Variants in COLGALT2 observed in about 807,000 individuals in gnomAD.
COLGALT2 encodes the protein procollagen galactosyltransferase 2.
Under a neutral mutation model 73.4 loss-of-function variants are expected in COLGALT2, and 49 were observed. That is an observed-to-expected ratio of 0.67 (90% confidence interval 0.53 to 0.85). COLGALT2 has a LOEUF of 0.85. Ranked by LOEUF, COLGALT2 falls within the 40% of genes least tolerant of loss-of-function variation. The pLI, the probability that COLGALT2 is intolerant of heterozygous loss-of-function variation, is 0.00. For synonymous variants in COLGALT2, 295 were observed against 307.6 expected, an observed-to-expected ratio of 0.96 and a Z score of 0.43; for missense variants, 722 against 790.2, an observed-to-expected ratio of 0.91 and a Z score of 1.03.
intron 1 of COLGALT2, among the ~76,000 whole-genome samples, chr1:183,985,112 C>A (rs1013045048): frequency 6.6e-6 from 1 of 152,182 alleles, no homozygotes; most frequent in Admixed American, 6.5e-5. Flanking sequence ...TCAGAGCCAA[C>A]TAGAAATAAT....
At position 183,978,470 on chromosome 1, in the gene COLGALT2, C is replaced by T; in HGVS notation, c.314G>A (p.Trp105Ter). ...ATAGAGTCTCTGTACATTTTTCAAC[C>T]ACTCCCTGAATATTTCTGTTGTATT... Reference protein sequence around the residue: ...VDNTTEIFREWLKNVQRLYHY... With the variant: ...VDNTTEIFRE The change falls in exon 2 of 12, where the codon TGG becomes TAG. Residue 105 changes from tryptophan (W) to a stop codon, truncating the protein, a stop_gained. Coordinates refer to ENST00000361927, the MANE Select transcript of COLGALT2 (RefSeq NM_015101.4). LOFTEE classifies it high-confidence loss of function. The T allele has an allele frequency of 6.2e-7, 1 of 1,612,822 alleles. No individual in the cohort carries two copies. Among genetic ancestry groups the T allele is most frequent in the Non-Finnish European group, 8.5e-7 (1 of 1,179,092 alleles).
intron 11 of COLGALT2, among the ~76,000 whole-genome samples, chr1:183,930,569 C>CTTTTTTTTTTTTTT (rs397861890): frequency 1.8e-4 from 21 of 114,064 alleles, no homozygotes; most frequent in Non-Finnish European, 2.8e-4. Context: ...TTTTCTTTTT[C>CTTTTTTTTTTTTTT]TTTTTTTTTT....
chr1:183,936,906 G>A lies in COLGALT2; in HGVS notation c.*1855C>T. 1.6e-6 allele frequency: 2 copies of A among 1,231,790 alleles called. No individual in the cohort carries two copies. Among genetic ancestry groups the A allele is most frequent in the African/African-American group, 3.1e-5 (2 of 64,536 alleles). The allele number at this position is 1,231,790 out of a possible 1,614,324, so 76.3% of individuals were successfully genotyped here. ...GGCCGAGGCTGGCGTCTGGTGGAAGGCAAGCTGCCTCTTGTCCTAAAGTGG... is the reference window on the plus strand; with the variant it reads ...GGCCGAGGCTGGCGTCTGGTGGAAGACAAGCTGCCTCTTGTCCTAAAGTGG... On this transcript the variant is annotated 3_prime_UTR_variant, in exon 12 of 12. Transcript: ENST00000361927.
At chr1:183,979,493 ACTTT>A (rs1386738210) in intron 1 of COLGALT2, among the ~76,000 whole-genome samples, 1 of 152,056 alleles carries the variant, frequency 6.6e-6, no homozygotes. Flanking sequence ...GGGTTGGCAA[ACTTT>A]CTTTCAAGCG....
intron 6 of COLGALT2, among the ~76,000 whole-genome samples, chr1:183,961,694 T>C (rs1670706233): frequency 1.3e-5 from 2 of 152,216 alleles, no homozygotes; most frequent in African/African-American, 4.8e-5. Context: ...AGTGCCCTTG[T>C]CAATACAGTT....
intron 1 of COLGALT2, among the ~76,000 whole-genome samples, chr1:184,005,511 C>T (rs1361622469): frequency 6.6e-6 from 1 of 152,134 alleles, no homozygotes; most frequent in African/African-American, 2.4e-5. Flanking sequence ...TGGGATCTAG[C>T]CTAGGTATCA....
rs201253363 is a variant in COLGALT2 at position 183,978,525 on chromosome 1, A to G, written c.264-5T>C. The G allele has an allele frequency of 7.8e-5, 120 of 1,547,800 alleles. No homozygotes were observed. The African/African-American group carries it at 1.5e-3, about 19-fold the overall frequency. ...ACATTGTGATCAGTGGCTGCCCTGC[A>G]TGAGAGAAAGCACAATATAGTTTAA... On this transcript the variant is annotated splice_polypyrimidine_tract_variant and splice_region_variant and intron_variant, in intron 1 of 11. Coordinates refer to ENST00000361927, the MANE Select transcript of COLGALT2 (RefSeq NM_015101.4).
In COLGALT2 at chr1:184,029,041, A is replaced by G. The variant is rs184433822; in HGVS notation, c.263+8054T>C. ...AGTCTAACTCTGAAAGGATTTCTGT[A>G]TGGTGCTCCTAGAGAGGAAAAGAAA... is the stretch of plus-strand genomic sequence containing the variant. On this transcript the variant is annotated intron_variant, in intron 1 of 11. Coordinates refer to ENST00000361927, the MANE Select transcript of COLGALT2 (RefSeq NM_015101.4). 5.9e-5 allele frequency among the ~76,000 whole-genome samples: 9 copies of G among 152,326 alleles called. No individual in the cohort carries two copies. The East Asian group carries it at 1.4e-3, about 23-fold the overall frequency.
At chr1:184,009,678 T>C (rs1672181851) in intron 1 of COLGALT2, among the ~76,000 whole-genome samples, 1 of 152,194 alleles carries the variant, frequency 6.6e-6, no homozygotes. Flanking sequence ...ACCACTTTTT[T>C]CCAAATCACT....
chr1:183,945,398 C>A, intron 9 of COLGALT2, 34 bp downstream of exon 9: 1 of 1,608,660 alleles, frequency 6.2e-7, no homozygotes, highest in African/African-American at 1.3e-5. Context: ...TTCTCCTCAT[C>A]ATAAAACTGC....
rs1443076548 is a variant in COLGALT2 at position 183,937,626 on chromosome 1, C to T, written c.*1135G>A. ...CATCCACAGGCCTCCCCACAAGAGC[C>T]TGGCTGGGAAATTCAGGAGAATCAG... is the stretch of plus-strand genomic sequence containing the variant. On this transcript the variant is annotated 3_prime_UTR_variant, in exon 12 of 12. Coordinates refer to ENST00000361927, the MANE Select transcript of COLGALT2 (RefSeq NM_015101.4). 7 of 985,310 alleles carry T rather than the reference C, an allele frequency of 7.1e-6. No homozygotes were observed. In the South Asian group the frequency reaches 2.8e-4, roughly 40 times the overall value. The allele number at this position is 985,310 out of a possible 1,614,324, so 61.0% of individuals were successfully genotyped here. A position where few individuals can be genotyped will look rare whatever the true frequency, so the allele number is the denominator to read the frequency against.
chr1:184,021,146 G>A (rs115720763), intron 1 of COLGALT2, among the ~76,000 whole-genome samples: 3,592 of 152,148 alleles, frequency 0.024, 130 homozygotes, highest in African/African-American at 0.08. Context: ...GGTTGGTGCT[G>A]TTACAGTTCA....
chr1:183,965,972 T>C lies in COLGALT2; in HGVS notation c.833-1952A>G, dbSNP rs536950031. On this transcript the variant is annotated intron_variant, in intron 5 of 11. Coordinates refer to ENST00000361927, the MANE Select transcript of COLGALT2 (RefSeq NM_015101.4). ...AAGAAAAAGAGCTAACTCCTCACAG[T>C]CTATAGTGGAGAGTCAACAAATAAT... Among the ~76,000 whole-genome samples, 9 of 152,296 alleles carry C rather than the reference T, an allele frequency of 5.9e-5. No homozygotes were observed. In the South Asian group the frequency reaches 1.9e-3, roughly 32 times the overall value.
At chr1:183,943,666 C>T (rs1670173735) in intron 10 of COLGALT2, among the ~76,000 whole-genome samples, 3 of 152,124 alleles carry the variant, frequency 2.0e-5, no homozygotes, top group Admixed American at 2.0e-4. Context: ...AGACCCTTCC[C>T]CAAATCTAGT....
intron 11 of COLGALT2, 24 bp from the exon 12 acceptor site, chr1:183,939,061 C>T: frequency 6.3e-7 from 1 of 1,587,660 alleles, no homozygotes; most frequent in South Asian, 1.1e-5. Flanking sequence ...GGTGGCCGGA[C>T]ACATGAGGGG....
chr1:183,947,071 T>C (rs569380338), intron 8 of COLGALT2, among the ~76,000 whole-genome samples: 104 of 151,950 alleles, frequency 6.8e-4, no homozygotes, highest in African/African-American at 2.4e-3. Flanking sequence ...ATAACAATTA[T>C]AAATACATAT....
At position 183,969,397 on chromosome 1, in the gene COLGALT2, A is replaced by G; in HGVS notation, c.704T>C (p.Val235Ala). 2 of 1,613,906 alleles carry G rather than the reference A, an allele frequency of 1.2e-6. No individual in the cohort carries two copies. The highest frequency in any genetic ancestry group is 1.7e-6 in the Non-Finnish European group (2 of 1,179,880). ...GAGGTCAATTAGGAAGGTGGAGTGG[A>G]CCATGGGGACGGGGAAGCAGCCTGT... The part of the protein sequence containing the change: ...KRTGCFPVPM[V>A]HSTFLIDLRK... The change falls in exon 5 of 12, where the codon GTC becomes GCC. Residue 235 changes from valine (V) to alanine (A), a missense_variant. Val to Ala is a moderately conservative substitution (Grantham distance 64). Coordinates refer to ENST00000361927, the MANE Select transcript of COLGALT2 (RefSeq NM_015101.4).
At position 183,965,461 on chromosome 1, in the gene COLGALT2, G is replaced by A. The variant is rs74130432; in HGVS notation, c.833-1441C>T. 4.4e-3 allele frequency among the ~76,000 whole-genome samples: 676 copies of A among 152,246 alleles called. 3 individuals are homozygous for A. The highest frequency in any genetic ancestry group is 0.016 in the African/African-American group (646 of 41,528). ...CAGAAAGCTGCTGGATGATGTGAGA[G>A]AAGGACGAGGAGGAAAGGAAGGAAG... On this transcript the variant is annotated intron_variant, in intron 5 of 11. Coordinates refer to ENST00000361927, the MANE Select transcript of COLGALT2 (RefSeq NM_015101.4).
exon 12 of COLGALT2, chr1:183,929,993 G>A (rs1361903091): frequency 2.2e-5 from 6 of 270,628 alleles, no homozygotes; most frequent in Non-Finnish European, 4.5e-5. Context: ...CCATCTCGGT[G>A]TTTCCCTTCC....
Sources: gnomAD v4.1 joint callset for allele counts (sites outside exome capture counted in the v4.1 genomes callset) on GRCh38, gnomAD v4.1.1 for gene constraint, MANE v1.5 for transcripts, NCBI Gene and HGNC (gene_info 2026-07-23, HGNC 2026-07-21) for gene names.